Variants in RANBP17 observed in about 807,000 individuals in gnomAD.
RANBP17 encodes the protein ran-binding protein 17.
In RANBP17, 158 loss-of-function variants were observed where a neutral mutation model predicts 141.2. The ratio of observed to expected loss-of-function variants is 1.12; its 90% confidence interval spans 0.98 to 1.28. The LOEUF is 1.28. RANBP17 is among the 50% of genes most tolerant of loss of function. The probability of loss-of-function intolerance (pLI) is 0.00; values close to 1 mark genes in which losing one functional copy is unlikely to be tolerated. For missense variants in RANBP17, 1,438 were observed against 1,290.7 expected (o/e 1.11, Z -1.75); for synonymous variants, 430 against 450.0 (o/e 0.96, Z 0.56).
Position 171,128,821 on chromosome 5 carries a change from AC to A in RANBP17, c.1711-41301del, listed in dbSNP as rs11453608. On this transcript the variant is annotated intron_variant, in intron 14 of 27. Transcript: ENST00000523189. Reference sequence around the variant, plus strand: ...TTAATAAAAAAATAAAATAGTCAAGACCCCCCCCAAAAAAAATTTGGACATG... The same window carrying A: ...TTAATAAAAAAATAAAATAGTCAAGACCCCCCCAAAAAAAATTTGGACATG... 1.9e-3 allele frequency among the ~76,000 whole-genome samples: 285 copies of A among 151,034 alleles called. 1 individual carries two copies. The highest frequency in any genetic ancestry group is 6.2e-3 in the African/African-American group (254 of 41,104).
At chr5:171,118,235 A>G (rs1755780921) in intron 14 of RANBP17, among the ~76,000 whole-genome samples, 1 of 152,060 alleles carries the variant, frequency 6.6e-6, no homozygotes, top group Non-Finnish European at 1.5e-5. Flanking sequence ...GGAGTTCTCT[A>G]TTCAGTTTTA....
chr5:171,069,822 C>T (rs1008513907), intron 14 of RANBP17, among the ~76,000 whole-genome samples: 12 of 152,132 alleles, frequency 7.9e-5, no homozygotes, highest in Admixed American at 4.6e-4. Context: ...TCTGTAAAGA[C>T]AAAGTACTTT....
chr5:171,210,919 C>T (rs896714112), intron 20 of RANBP17, among the ~76,000 whole-genome samples: 9 of 150,506 alleles, frequency 6.0e-5, no homozygotes, highest in South Asian at 2.1e-4. Context: ...GCAGGAAAAT[C>T]GCTTGAACCC....
intron 16 of RANBP17, among the ~76,000 whole-genome samples, chr5:171,172,503 A>G (rs1328803117): frequency 6.6e-6 from 1 of 151,330 alleles, no homozygotes; most frequent in African/African-American, 2.4e-5. Flanking sequence ...TTTTTAAGAT[A>G]TGTATTTTTT....
At chr5:170,964,010 A>T (rs994266532) in intron 13 of RANBP17, among the ~76,000 whole-genome samples, 1 of 152,212 alleles carries the variant, frequency 6.6e-6, no homozygotes, top group African/African-American at 2.4e-5. Context: ...CGCCTAAATA[A>T]GAGGTGTACA....
intron 14 of RANBP17, among the ~76,000 whole-genome samples, chr5:171,091,470 T>G (rs1203249792): frequency 3.9e-5 from 6 of 152,238 alleles, no homozygotes; most frequent in Non-Finnish European, 2.9e-5. Context: ...GATGAGACTT[T>G]GGACTGTGGG....
intron 14 of RANBP17, among the ~76,000 whole-genome samples, chr5:171,072,675 G>C (rs897276233): frequency 3.3e-5 from 5 of 152,146 alleles, no homozygotes; most frequent in African/African-American, 1.2e-4. Flanking sequence ...ATTGCCAGTG[G>C]GAATGCAGAA....
At chr5:171,211,560 C>T (rs779587153) in intron 20 of RANBP17, among the ~76,000 whole-genome samples, 1 of 150,882 alleles carries the variant, frequency 6.6e-6, no homozygotes, top group African/African-American at 2.4e-5. Flanking sequence ...CCATGCCCGA[C>T]TTTCTTTGAA....
intron 12 of RANBP17, among the ~76,000 whole-genome samples, chr5:170,937,732 C>A (rs1773994358): frequency 6.6e-6 from 1 of 152,164 alleles, no homozygotes; most frequent in Non-Finnish European, 1.5e-5. Context: ...TGACTGATGA[C>A]ACATGACAAT....
intron 14 of RANBP17, among the ~76,000 whole-genome samples, chr5:171,063,930 G>A (rs867927496): frequency 3.3e-5 from 5 of 152,248 alleles, no homozygotes; most frequent in Non-Finnish European, 5.9e-5. Context: ...TGTGCTAGCA[G>A]TCAGCGAGAC....
At chr5:171,259,972 CTG>C (rs1766183617) in intron 24 of RANBP17, among the ~76,000 whole-genome samples, 2 of 151,426 alleles carry the variant, frequency 1.3e-5, no homozygotes, top group Admixed American at 1.3e-4. Flanking sequence ...CAGAGCGAGA[CTG>C]TCTCAAAAAT....
At chr5:171,008,223 G>T (rs956509228) in intron 14 of RANBP17, among the ~76,000 whole-genome samples, 21 of 152,218 alleles carry the variant, frequency 1.4e-4, no homozygotes, top group Admixed American at 6.5e-5. Context: ...GAAGGACAGG[G>T]AGATTGAAGG....
intron 14 of RANBP17, among the ~76,000 whole-genome samples, chr5:171,089,993 G>A (rs1302961535): frequency 3.9e-5 from 6 of 152,176 alleles, no homozygotes; most frequent in African/African-American, 1.2e-4. Flanking sequence ...GTCTTTATCA[G>A]CAATGTGAAA....
intron 20 of RANBP17, among the ~76,000 whole-genome samples, chr5:171,210,661 CT>C: frequency 6.6e-6 from 1 of 152,190 alleles, no homozygotes; most frequent in Middle Eastern, 3.4e-3. Flanking sequence ...CAAAGCATCC[CT>C]ATTATATGTT....
chr5:170,953,623 G>A lies in RANBP17; in HGVS notation c.1495G>A (p.Val499Ile), dbSNP rs1177433914. The A allele has an allele frequency of 3.1e-6, 5 of 1,611,440 alleles. No individual in the cohort carries two copies. The highest frequency in any genetic ancestry group is 1.7e-5 in the Admixed American group (1 of 59,936). Residue 499 changes from valine (V) to isoleucine (I), a missense_variant, in exon 13 of 28, where the codon GTT (valine) becomes ATT (isoleucine). Transcript: ENST00000523189. ...ACGTCTTGCATGGCTGGTATACTTA[G>A]TTGGGACAGTTGTAGGAGGAAGATT... ...EGRLAWLVYL[V>I]GTVVGGRLTY...
chr5:170,955,510 T>C (rs1775563886), intron 13 of RANBP17, among the ~76,000 whole-genome samples: 1 of 134,584 alleles, frequency 7.4e-6, no homozygotes, highest in Non-Finnish European at 1.6e-5. Context: ...TATATATATG[T>C]ATATATATGC....
At chr5:171,114,548 T>C (rs1393938619) in intron 14 of RANBP17, among the ~76,000 whole-genome samples, 7 of 151,726 alleles carry the variant, frequency 4.6e-5, no homozygotes, top group Non-Finnish European at 7.4e-5. Context: ...ATCACTGGTA[T>C]GACAACTGGT....
At chr5:170,882,400 A>T (rs1238299297) in intron 3 of RANBP17, among the ~76,000 whole-genome samples, 1 of 152,218 alleles carries the variant, frequency 6.6e-6, no homozygotes, top group Non-Finnish European at 1.5e-5. Context: ...TTATTTAATG[A>T]TAAACAATAA....
At chr5:170,875,851 T>A (rs1768132990) in intron 1 of RANBP17, among the ~76,000 whole-genome samples, 1 of 152,218 alleles carries the variant, frequency 6.6e-6, no homozygotes, top group Non-Finnish European at 1.5e-5. Context: ...TTCAGCATTC[T>A]TTCATTGATT....
Sources: gnomAD v4.1 joint callset for allele counts (sites outside exome capture counted in the v4.1 genomes callset) on GRCh38, gnomAD v4.1.1 for gene constraint, MANE v1.5 for transcripts, NCBI Gene and HGNC (gene_info 2026-07-23, HGNC 2026-07-21) for gene names.